PXT1: variants seen among roughly 807,000 people sequenced by gnomAD.
PXT1 encodes the protein peroxisomal testis-specific protein 1.
PXT1 carries 11 observed loss-of-function variants against 11.0 expected under a neutral mutation model. The observed-to-expected ratio is 1.00, with a 90% CI of 0.63 to 1.66. The LOEUF (loss-of-function observed/expected upper bound fraction) is 1.66, where lower values mean the gene tolerates loss of function less well. Ranked by LOEUF, PXT1 falls within the 40% of genes most tolerant of loss-of-function variation. The pLI is 0.00. For synonymous variants in PXT1, 43 were observed against 51.4 expected (o/e 0.84, Z 0.70); for missense variants, 141 against 155.5 (o/e 0.91, Z 0.49).
Position 36,391,852 on chromosome 6 carries a change from T to C in PXT1, c.323A>G (p.Asp108Gly), listed in dbSNP as rs766580444. 1.2e-6 allele frequency: 2 copies of C among 1,611,720 alleles called. No homozygotes were observed. The highest frequency in any genetic ancestry group is 1.1e-5 in the South Asian group (1 of 91,012). Residue 108 changes from aspartate to glycine, a missense_variant, in exon 5 of 5, where the codon GAT (aspartate) becomes GGT (glycine). Asp to Gly is a moderately conservative substitution (Grantham distance 94). Coordinates refer to ENST00000454782, the MANE Select transcript of PXT1 (RefSeq NM_152990.4). ...AAAGAAGACAAAATGATCTAGTGCA[T>C]CTCTGCCATCCTGTTGAAGATCCTA... ...VREDLQQDGRDALDHFVFFFF... is the reference protein window; with the variant it reads ...VREDLQQDGRGALDHFVFFFF...
At chr6:36,401,894 G>A (rs1220219413) in intron 3 of PXT1, among the ~76,000 whole-genome samples, 5 of 146,826 alleles carry the variant, frequency 3.4e-5, no homozygotes, top group South Asian at 2.1e-4. Flanking sequence ...ATATGTGTGT[G>A]TATATATATA....
At chr6:36,397,980 A>C (rs1050488924) in intron 4 of PXT1, among the ~76,000 whole-genome samples, 1 of 152,034 alleles carries the variant, frequency 6.6e-6, no homozygotes, top group African/African-American at 2.4e-5. Context: ...ACAGCACTGC[A>C]CTCCAGATTA....
chr6:36,413,956 G>A (rs570527065), intron 3 of PXT1, among the ~76,000 whole-genome samples: 56 of 152,296 alleles, frequency 3.7e-4, no homozygotes, highest in African/African-American at 1.3e-3. Flanking sequence ...CTAAGATTAC[G>A]TCACTGCACT....
At chr6:36,424,570 G>T (rs374495160) in intron 3 of PXT1, among the ~76,000 whole-genome samples, 2 of 152,286 alleles carry the variant, frequency 1.3e-5, no homozygotes, top group East Asian at 1.9e-4. Context: ...AACCTGGGAG[G>T]CGGAGCTACA....
chr6:36,428,452 GATAATCAAGATGTAGCT>G (rs1382528503), intron 2 of PXT1, among the ~76,000 whole-genome samples: 11 of 143,236 alleles, frequency 7.7e-5, no homozygotes, highest in Middle Eastern at 3.6e-3. Flanking sequence ...GAGCAAAGTT[GATAATCAAGATGTAGCT>G]ACCAGGCGAG....
intron 4 of PXT1, among the ~76,000 whole-genome samples, chr6:36,395,216 G>C (rs1198239722): frequency 6.6e-6 from 1 of 152,172 alleles, no homozygotes; most frequent in Non-Finnish European, 1.5e-5. Context: ...AAATTTGGCA[G>C]CTCAACAACA....
At chr6:36,404,914 G>A (rs1012019966) in intron 3 of PXT1, among the ~76,000 whole-genome samples, 2 of 152,120 alleles carry the variant, frequency 1.3e-5, no homozygotes, top group Non-Finnish European at 1.5e-5. Context: ...CCACGATTGC[G>A]CCACTGGACT....
At chr6:36,404,326 C>A (rs1019243361) in intron 3 of PXT1, among the ~76,000 whole-genome samples, 1 of 152,134 alleles carries the variant, frequency 6.6e-6, no homozygotes, top group Non-Finnish European at 1.5e-5. Flanking sequence ...TACAATAAAG[C>A]TGAAAAATTC....
At chr6:36,417,525 C>T (rs1049542364) in intron 3 of PXT1, among the ~76,000 whole-genome samples, 1 of 143,402 alleles carries the variant, frequency 7.0e-6, no homozygotes, top group East Asian at 2.0e-4. Flanking sequence ...GAGGCAGTGG[C>T]AGGAGGATCG....
At chr6:36,434,413 T>C (rs1774734600) in intron 2 of PXT1, among the ~76,000 whole-genome samples, 1 of 152,160 alleles carries the variant, frequency 6.6e-6, no homozygotes, top group Non-Finnish European at 1.5e-5. Flanking sequence ...TTTTTCATAA[T>C]AAAAAAGTCA....
chr6:36,424,518 T>A (rs1223747640), intron 3 of PXT1, among the ~76,000 whole-genome samples: 1 of 151,982 alleles, frequency 6.6e-6, no homozygotes, highest in Non-Finnish European at 1.5e-5. Context: ...CGGGCGCCTG[T>A]AGTCCCAGCT....
chr6:36,421,154 A>G (rs897485233), intron 3 of PXT1, among the ~76,000 whole-genome samples: 7 of 152,128 alleles, frequency 4.6e-5, no homozygotes, highest in African/African-American at 1.7e-4. Context: ...GGCAAAATTA[A>G]AAAACAACAA....
At chr6:36,402,005 CTTTG>C (rs892183931) in intron 3 of PXT1, among the ~76,000 whole-genome samples, 1 of 150,022 alleles carries the variant, frequency 6.7e-6, no homozygotes, top group Admixed American at 6.6e-5. Flanking sequence ...GACACAGGGT[CTTTG>C]TTTGTTTCCC....
chr6:36,433,739 G>A (rs1774725533), intron 2 of PXT1, among the ~76,000 whole-genome samples: 2 of 150,298 alleles, frequency 1.3e-5, no homozygotes, highest in African/African-American at 4.9e-5. Context: ...GCAGGAGAAT[G>A]GCATGAACCT....
At chr6:36,393,742 C>G (rs1774104755) in intron 4 of PXT1, among the ~76,000 whole-genome samples, 1 of 148,410 alleles carries the variant, frequency 6.7e-6, no homozygotes, top group African/African-American at 2.5e-5. Flanking sequence ...AAAAAAAAGT[C>G]ACCTTCTCAA....
chr6:36,434,368 T>G (rs563634991), intron 2 of PXT1, among the ~76,000 whole-genome samples: 1 of 152,286 alleles, frequency 6.6e-6, no homozygotes, highest in Admixed American at 6.5e-5. Context: ...GTATACTTGT[T>G]GAAATACTAT....
chr6:36,401,278 A>G (rs1446470643), intron 3 of PXT1, among the ~76,000 whole-genome samples: 2 of 152,124 alleles, frequency 1.3e-5, no homozygotes, highest in African/African-American at 2.4e-5. Context: ...CTCAATTTAG[A>G]TGCTAACTTT....
chr6:36,392,925 T>C (rs1443463822), intron 4 of PXT1: 1 of 151,838 alleles, frequency 6.6e-6, no homozygotes, highest in Non-Finnish European at 1.5e-5. Flanking sequence ...GTCCTTGCAG[T>C]GACCTCAAGG....
chr6:36,425,408 A>C (rs1774588086), intron 3 of PXT1, among the ~76,000 whole-genome samples: 1 of 152,230 alleles, frequency 6.6e-6, no homozygotes, highest in Non-Finnish European at 1.5e-5. Flanking sequence ...GAGATTTAGT[A>C]CCATGAAGCA....
Sources: allele counts gnomAD v4.1 joint callset (sites outside exome capture counted in the v4.1 genomes callset), GRCh38; gene constraint gnomAD v4.1.1; transcripts MANE v1.5; gene names NCBI Gene and HGNC (gene_info 2026-07-23, HGNC 2026-07-21).